The following DCBLD2 variants were observed in gnomAD, a reference collection of about 807,000 sequenced individuals.
The protein encoded by DCBLD2 is discoidin, CUB and LCCL domain-containing protein 2.
DCBLD2 carries 54 observed loss-of-function variants against 86.8 expected under a neutral mutation model. The observed-to-expected ratio is 0.62, with a 90% CI of 0.50 to 0.78. DCBLD2 has a LOEUF of 0.78. Ranked by LOEUF, DCBLD2 falls within the 30% of genes least tolerant of loss-of-function variation. The pLI is 0.00. For synonymous variants in DCBLD2, 354 were observed against 341.3 expected (o/e 1.04, Z -0.41); for missense variants, 908 against 954.2 (o/e 0.95, Z 0.64).
At chr3:98,894,078 G>A (rs939040359) in intron 1 of DCBLD2, among the ~76,000 whole-genome samples, 1 of 152,170 alleles carries the variant, frequency 6.6e-6, no homozygotes, top group East Asian at 1.9e-4. Context: ...ATCACGGAAA[G>A]AGCATTGTTG....
chr3:98,835,602 T>A (rs944908885), intron 3 of DCBLD2, among the ~76,000 whole-genome samples: 2 of 149,804 alleles, frequency 1.3e-5, no homozygotes, highest in African/African-American at 2.5e-5. Flanking sequence ...CAGCCTTGAG[T>A]GCAATGGTGC....
At chr3:98,808,881 TC>T (rs900867688) in intron 12 of DCBLD2, among the ~76,000 whole-genome samples, 1 of 152,226 alleles carries the variant, frequency 6.6e-6, no homozygotes, top group African/African-American at 2.4e-5. Flanking sequence ...AAAGATGTTC[TC>T]CCTGTTTCTG....
intron 2 of DCBLD2, among the ~76,000 whole-genome samples, chr3:98,861,778 G>C (rs938135309): frequency 1.3e-5 from 2 of 152,052 alleles, no homozygotes; most frequent in African/African-American, 4.8e-5. Context: ...AAGCAGGAAA[G>C]ATCTAAAATG....
chr3:98,819,414 C>T lies in DCBLD2; in HGVS notation c.875G>A (p.Cys292Tyr). 2 of 1,613,704 alleles carry T rather than the reference C, an allele frequency of 1.2e-6. No homozygotes were observed. Among genetic ancestry groups the T allele is most frequent in the Non-Finnish European group, 1.7e-6 (2 of 1,179,704 alleles). ...TSLFTFKTSGCYGTLGMESGV... is the reference protein window; with the variant it reads ...TSLFTFKTSGYYGTLGMESGV... The stretch of plus-strand genomic sequence containing the variant: ...AGACTCCATCCCCAGTGTTCCATAA[C>T]ATCCTGAAACAAAGAAAAGACTAAA... The change falls in exon 8 of 16, where the codon TGT (cysteine) becomes TAT (tyrosine). Residue 292 changes from cysteine (C) to tyrosine (Y), a missense_variant. This residue lies in a region of DCBLD2 where 606 missense variants were observed against 678.5 expected (regional missense o/e 0.89). Transcript: ENST00000326840.
intron 3 of DCBLD2, among the ~76,000 whole-genome samples, chr3:98,836,204 C>T (rs1942445077): frequency 7.0e-6 from 1 of 143,638 alleles, no homozygotes; most frequent in African/African-American, 2.6e-5. Flanking sequence ...TCCCTGCCGG[C>T]AGGTGCTCTG....
intron 3 of DCBLD2, among the ~76,000 whole-genome samples, chr3:98,839,175 T>TTCCTTCCTTCCTTCCTTCCTTC (rs1553727063): frequency 9.8e-6 from 1 of 101,538 alleles, no homozygotes. Flanking sequence ...TTCTTTCCTT[T>TTCCTTCCTTCCTTCCTTCCTTC]CTTTCTTCCT....
rs953943838 is a variant in DCBLD2 at position 98,858,358 on chromosome 3, A to G, written c.434-8760T>C. 5.3e-5 allele frequency among the ~76,000 whole-genome samples: 8 copies of G among 152,340 alleles called. 1 individual carries two copies. The highest frequency in any genetic ancestry group is 6.8e-3 in the Middle Eastern group (2 of 294). ...AGCCGGCTCCGGCCTTGGCCAGCCC[A>G]GGAAGGGGCTCCCACAGTGCAGCAG... On this transcript the variant is annotated intron_variant, in intron 2 of 15. Coordinates refer to ENST00000326840, the MANE Select transcript of DCBLD2 (RefSeq NM_080927.4).
intron 12 of DCBLD2, 85 bp from the exon 13 acceptor site, chr3:98,808,259 T>A: frequency 1.4e-5 from 16 of 1,183,926 alleles, no homozygotes; most frequent in Non-Finnish European, 1.9e-5. Context: ...AACCACATCA[T>A]CTTTCAACAT....
Position 98,811,571 on chromosome 3 carries a change from G to C in DCBLD2, c.1364-17C>G. 2 of 1,549,252 alleles carry C rather than the reference G, an allele frequency of 1.3e-6. No homozygotes were observed. Among genetic ancestry groups the C allele is most frequent in the Non-Finnish European group, 1.7e-6 (2 of 1,152,340 alleles). On this transcript the variant is annotated splice_polypyrimidine_tract_variant and intron_variant, in intron 10 of 15. Transcript: ENST00000326840. ...GAGGACGACCTTGAAAAATGGTTTA[G>C]AAAAATTTAAACATTTTGTTTTTAA...
Position 98,881,748 on chromosome 3 carries a change from AGT to A in DCBLD2, c.223_224del (p.Thr75CysfsTer5). ...GAQQGDGCGH[T>X]VLGPESGTLT... ...GGGTTCCACTCTCAGGGCCTAGTAC[AGT>A]GTGTCCACATCCATCACCTTTAAAA... On this transcript the variant is annotated frameshift_variant, in exon 2 of 16. Coordinates refer to ENST00000326840, the MANE Select transcript of DCBLD2 (RefSeq NM_080927.4). LOFTEE classifies it high-confidence loss of function. 6.2e-7 allele frequency: 1 copy of A among 1,612,540 alleles called. No individual in the cohort carries two copies. Among genetic ancestry groups the A allele is most frequent in the Non-Finnish European group, 8.5e-7 (1 of 1,178,896 alleles).
At chr3:98,894,917 G>A (rs546788222) in intron 1 of DCBLD2, among the ~76,000 whole-genome samples, 10 of 152,170 alleles carry the variant, frequency 6.6e-5, no homozygotes, top group African/African-American at 2.4e-4. Flanking sequence ...AATACAGTGT[G>A]GAATGTATTA....
intron 3 of DCBLD2, among the ~76,000 whole-genome samples, chr3:98,828,429 T>C (rs1208170251): frequency 6.6e-6 from 1 of 152,028 alleles, no homozygotes; most frequent in Non-Finnish European, 1.5e-5. Flanking sequence ...AAAGAAGATA[T>C]ACAAATGGCC....
intron 2 of DCBLD2, among the ~76,000 whole-genome samples, chr3:98,852,457 G>C (rs1942857151): frequency 2.0e-5 from 3 of 152,168 alleles, no homozygotes; most frequent in African/African-American, 7.2e-5. Context: ...GTATTTGCCA[G>C]GCTGGTCTAG....
At chr3:98,800,541 TC>T (rs1241558758) in intron 15 of DCBLD2, 37 bp downstream of exon 15, 3 of 1,582,866 alleles carry the variant, frequency 1.9e-6, no homozygotes, top group Non-Finnish European at 2.6e-6. Flanking sequence ...AAGCAGTTTC[TC>T]CCTCTGCCTG....
At chr3:98,857,977 C>T (rs2107493810) in intron 2 of DCBLD2, among the ~76,000 whole-genome samples, 1 of 152,386 alleles carries the variant, frequency 6.6e-6, no homozygotes, top group African/African-American at 2.4e-5. Context: ...CGCCCGCACT[C>T]CTCAGCCCTT....
In DCBLD2 at chr3:98,881,768, C is replaced by A; in HGVS notation, c.206-1G>T. On this transcript the variant is annotated splice_acceptor_variant, in intron 1 of 15. Coordinates refer to ENST00000326840, the MANE Select transcript of DCBLD2 (RefSeq NM_080927.4). LOFTEE classifies it high-confidence loss of function. ...AGTACAGTGTGTCCACATCCATCAC[C>A]TTTAAAAAAAGTGAAAAGAATGATA... 6.3e-7 allele frequency: 1 copy of A among 1,583,298 alleles called. No individual in the cohort carries two copies. The highest frequency in any genetic ancestry group is 8.6e-7 in the Non-Finnish European group (1 of 1,160,370).
chr3:98,838,076 C>T (rs1052046159), intron 3 of DCBLD2, among the ~76,000 whole-genome samples: 6 of 134,434 alleles, frequency 4.5e-5, no homozygotes, highest in Admixed American at 2.1e-4. Context: ...CCGGACGGCA[C>T]GGCTGGCCAG....
At chr3:98,896,485 G>GT in intron 1 of DCBLD2, among the ~76,000 whole-genome samples, 1 of 152,096 alleles carries the variant, frequency 6.6e-6, no homozygotes, top group Non-Finnish European at 1.5e-5. Flanking sequence ...TTGTTTTACT[G>GT]TATTTTGTAG....
chr3:98,799,570 T>A lies in DCBLD2; in HGVS notation c.2130A>T (p.Pro710=). The part of the protein sequence containing the change: ...TFKATGNQPP[P]LVGTYNTLLS... ...GAAGTGTATTGTAAGTTCCCACTAG[T>A]GGGGGAGGTTGGTTCCCCGTAGCCT... The change falls in exon 16 of 16, where the codon CCA becomes CCT. Residue 710 remains proline, a synonymous_variant. Coordinates refer to ENST00000326840, the MANE Select transcript of DCBLD2 (RefSeq NM_080927.4). 1.9e-6 allele frequency: 3 copies of A among 1,613,908 alleles called. No individual in the cohort carries two copies. The highest frequency in any genetic ancestry group is 2.5e-6 in the Non-Finnish European group (3 of 1,179,862).
Sources: gnomAD v4.1 joint callset for allele counts (sites outside exome capture counted in the v4.1 genomes callset) on GRCh38, gnomAD v4.1.1 for gene constraint, gnomAD v4.1.1 regional missense constraint, MANE v1.5 for transcripts, NCBI Gene and HGNC (gene_info 2026-07-23, HGNC 2026-07-21) for gene names.